AGO3: variants seen among roughly 807,000 people sequenced by gnomAD.
AGO3 encodes the protein argonaute RISC catalytic component 3.
Under a neutral mutation model 105.5 loss-of-function variants are expected in AGO3, and 16 were observed. The ratio of observed to expected loss-of-function variants is 0.15; its 90% confidence interval spans 0.10 to 0.23. AGO3 has a LOEUF of 0.23. Ranked by LOEUF, AGO3 falls within the 10% of genes least tolerant of loss-of-function variation. The pLI, the probability that AGO3 is intolerant of heterozygous loss-of-function variation, is 1.00. For synonymous variants in AGO3, 340 were observed against 367.3 expected (o/e 0.93, Z 0.85); for missense variants, 534 against 1,088.0 (o/e 0.49, Z 7.16).
At chr1:36,003,709 A>AAAAAAAATATATATATATATAT (rs1295618675) in intron 5 of AGO3, among the ~76,000 whole-genome samples, 2 of 99,436 alleles carry the variant, frequency 2.0e-5, no homozygotes, top group Non-Finnish European at 3.9e-5. Flanking sequence ...AAAAAAAAAA[A>AAAAAAAATATATATATATATAT]ATATATATAT....
At chr1:35,948,528 G>C (rs1012798973) in intron 2 of AGO3, among the ~76,000 whole-genome samples, 16 of 127,398 alleles carry the variant, frequency 1.3e-4, no homozygotes, top group African/African-American at 4.7e-4. Flanking sequence ...CACTGTGCCC[G>C]GCCGGAACAG....
intron 2 of AGO3, among the ~76,000 whole-genome samples, chr1:35,957,689 G>T (rs1211887786): frequency 6.6e-6 from 1 of 152,186 alleles, no homozygotes; most frequent in African/African-American, 2.4e-5. Flanking sequence ...TTGTGCCACT[G>T]CACTCCAGCC....
In AGO3 at chr1:36,004,495, G is replaced by A. The variant is rs372792201; in HGVS notation, c.793+20G>A. 3 of 1,566,350 alleles carry A rather than the reference G, an allele frequency of 1.9e-6. No individual in the cohort carries two copies. Among genetic ancestry groups the A allele is most frequent in the Non-Finnish European group, 2.6e-6 (3 of 1,152,662 alleles). On this transcript the variant is annotated intron_variant, in intron 6 of 18. Transcript: ENST00000373191. ...TAAAAGGTGAATTAATTAGCATTTA[G>A]CACAACTTAACTATAAAATGCATGG...
chr1:36,034,510 T>G (rs1199533279), intron 13 of AGO3, among the ~76,000 whole-genome samples, 177 bp downstream of exon 13: 1 of 152,224 alleles, frequency 6.6e-6, no homozygotes, highest in African/African-American at 2.4e-5. Flanking sequence ...TCAGAGATTC[T>G]CTTGTGAAAA....
chr1:35,931,098 C>T (rs1444036209), upstream of AGO3: 4 of 393,270 alleles, frequency 1.0e-5, no homozygotes, highest in African/African-American at 8.3e-5. Flanking sequence ...CCGGGGCGGC[C>T]CCGGGCAGGT....
At position 35,992,538 on chromosome 1, in the gene AGO3, G is replaced by C. The variant is rs1293825256; in HGVS notation, c.659-11803G>C. 3.3e-5 allele frequency among the ~76,000 whole-genome samples: 5 copies of C among 152,068 alleles called. 1 individual carries two copies. The East Asian group carries it at 9.6e-4, about 29-fold the overall frequency. ...ATTTTTTTTTAAATTCATAGTTACA[G>C]TGGAGTTTGAGAAAGGAATGAAATG... is the stretch of plus-strand genomic sequence containing the variant. On this transcript the variant is annotated intron_variant, in intron 5 of 18. Coordinates refer to ENST00000373191, the MANE Select transcript of AGO3 (RefSeq NM_024852.4).
intron 2 of AGO3, among the ~76,000 whole-genome samples, chr1:35,946,220 A>G (rs533474038): frequency 1.7e-4 from 26 of 152,122 alleles, no homozygotes; most frequent in Admixed American, 5.9e-4. Context: ...CACTTTCATA[A>G]TGTTCCCTTT....
chr1:35,935,547 T>C (rs1646133008), intron 1 of AGO3, among the ~76,000 whole-genome samples: 1 of 152,266 alleles, frequency 6.6e-6, no homozygotes, highest in Non-Finnish European at 1.5e-5. Flanking sequence ...TGTATTAGTT[T>C]ATATCTTCCA....
chr1:36,051,447 A>T (rs1025064908), intron 17 of AGO3, among the ~76,000 whole-genome samples: 6 of 152,182 alleles, frequency 3.9e-5, no homozygotes, highest in Non-Finnish European at 8.8e-5. Context: ...ACGGCTGGGC[A>T]CATGGTACAT....
intron 15 of AGO3, 125 bp downstream of exon 15, chr1:36,040,109 A>T: frequency 1.6e-6 from 2 of 1,236,392 alleles, no homozygotes; most frequent in Non-Finnish European, 2.2e-6. Flanking sequence ...GTTTTGTTAG[A>T]TTGTCTTTTT....
intron 12 of AGO3, 21 bp from the exon 13 acceptor site, chr1:36,034,153 G>A (rs1641906464): frequency 6.7e-7 from 1 of 1,495,468 alleles, no homozygotes; most frequent in African/African-American, 1.4e-5. Context: ...TCTGACTAGA[G>A]GTTTTGCATC....
At chr1:36,034,364 T>C in intron 13 of AGO3, 31 bp downstream of exon 13, 1 of 1,505,902 alleles carries the variant, frequency 6.6e-7, no homozygotes, top group Non-Finnish European at 9.0e-7. Context: ...ATGAAAATAT[T>C]ATTTTTATAT....
intron 5 of AGO3, among the ~76,000 whole-genome samples, chr1:35,974,854 A>G (rs906070624): frequency 6.6e-6 from 1 of 152,156 alleles, no homozygotes; most frequent in Non-Finnish European, 1.5e-5. Flanking sequence ...GCTTTCGGGC[A>G]CAGCAGGATA....
intron 5 of AGO3, among the ~76,000 whole-genome samples, chr1:35,974,283 A>G (rs1407436574): frequency 6.6e-6 from 1 of 151,456 alleles, no homozygotes; most frequent in East Asian, 1.9e-4. Flanking sequence ...TCTAATCAGA[A>G]TCCAAACAAG....
chr1:35,954,240 CT>C (rs2148758104), intron 2 of AGO3, among the ~76,000 whole-genome samples: 1 of 152,270 alleles, frequency 6.6e-6, no homozygotes, highest in East Asian at 1.9e-4. Context: ...TATTTCACAT[CT>C]CAAAATTCTT....
At chr1:36,048,917 A>G (rs1378438236) in intron 17 of AGO3, among the ~76,000 whole-genome samples, 1 of 152,198 alleles carries the variant, frequency 6.6e-6, no homozygotes, top group Non-Finnish European at 1.5e-5. Flanking sequence ...TATGTTGCCC[A>G]GACTGGTCTT....
intron 1 of AGO3, among the ~76,000 whole-genome samples, chr1:35,934,557 G>T (rs1646113492): frequency 1.3e-5 from 2 of 152,192 alleles, no homozygotes; most frequent in African/African-American, 4.8e-5. Flanking sequence ...GGATTTGAAT[G>T]ATGTAGATAA....
At chr1:36,040,797 G>A (rs1001615736) in intron 16 of AGO3, among the ~76,000 whole-genome samples, 29 of 151,938 alleles carry the variant, frequency 1.9e-4, no homozygotes, top group African/African-American at 7.0e-4. Flanking sequence ...TTCAGGCCAG[G>A]CACAGTGGCT....
chr1:35,984,061 G>A (rs556749610), intron 5 of AGO3, among the ~76,000 whole-genome samples: 10 of 152,272 alleles, frequency 6.6e-5, no homozygotes, highest in African/African-American at 1.7e-4. Context: ...GGATAAAGCC[G>A]TCGAGGAATA....
Sources: gnomAD v4.1 joint callset for allele counts (sites outside exome capture counted in the v4.1 genomes callset) on GRCh38, gnomAD v4.1.1 for gene constraint, MANE v1.5 for transcripts, NCBI Gene and HGNC (gene_info 2026-07-23, HGNC 2026-07-21) for gene names.